Variants in LRMDA observed in about 807,000 individuals in gnomAD.
LRMDA encodes the protein leucine-rich melanocyte differentiation-associated protein.
LRMDA carries 18 observed loss-of-function variants against 29.8 expected under a neutral mutation model. The observed-to-expected ratio is 0.60, with a 90% confidence interval of 0.42 to 0.90. The LOEUF (loss-of-function observed/expected upper bound fraction) is 0.90. Among genes scored for constraint, LRMDA ranks in the 40% least tolerant of loss-of-function variants. The pLI, the probability that LRMDA is intolerant of heterozygous loss-of-function variation, is 0.00. For missense variants in LRMDA, 273 were observed against 273.9 expected (o/e 1.00, Z 0.02); for synonymous variants, 125 against 109.4 (o/e 1.14, Z -0.89).
intron 5 of LRMDA, among the ~76,000 whole-genome samples, chr10:76,118,640 G>A (rs1849707009): frequency 6.6e-6 from 1 of 152,094 alleles, no homozygotes; most frequent in Admixed American, 6.5e-5. Flanking sequence ...TTATCTTGGA[G>A]GAGAAGACCA....
At chr10:75,691,213 T>C (rs1023424634) in intron 2 of LRMDA, among the ~76,000 whole-genome samples, 3 of 143,738 alleles carry the variant, frequency 2.1e-5, no homozygotes, top group African/African-American at 7.8e-5. Flanking sequence ...CACACACATA[T>C]ATATATACAC....
chr10:75,718,306 T>C (rs1475331833), intron 2 of LRMDA, among the ~76,000 whole-genome samples: 1 of 152,224 alleles, frequency 6.6e-6, no homozygotes, highest in African/African-American at 2.4e-5. Flanking sequence ...CTATTTTGTC[T>C]GGAACCAATG....
At chr10:75,692,564 C>CATATATACACATATACATAT (rs1842182792) in intron 2 of LRMDA, among the ~76,000 whole-genome samples, 1 of 140,180 alleles carries the variant, frequency 7.1e-6, no homozygotes, top group Admixed American at 7.2e-5. Context: ...CATATGTATA[C>CATATATACACATATACATAT]GTGTGTGTGT....
At chr10:76,388,298 TG>T (rs1841684287) in intron 6 of LRMDA, among the ~76,000 whole-genome samples, 1 of 152,200 alleles carries the variant, frequency 6.6e-6, no homozygotes, top group Non-Finnish European at 1.5e-5. Flanking sequence ...ATTCAGCTCA[TG>T]GTTTCTGTGG....
At chr10:75,582,775 G>A (rs564086647) in intron 2 of LRMDA, among the ~76,000 whole-genome samples, 1 of 152,244 alleles carries the variant, frequency 6.6e-6, no homozygotes, top group South Asian at 2.1e-4. Flanking sequence ...TTTATGCTCT[G>A]CTTTCCCTTT....
chr10:76,353,845 AG>A (rs1298586650), intron 6 of LRMDA, among the ~76,000 whole-genome samples: 1 of 152,114 alleles, frequency 6.6e-6, no homozygotes, highest in Non-Finnish European at 1.5e-5. Context: ...CTTTGTAATA[AG>A]GGGGGACATG....
intron 5 of LRMDA, among the ~76,000 whole-genome samples, chr10:76,072,575 C>G (rs7083638): frequency 0.37 from 56,888 of 152,110 alleles, 11,906 homozygotes; most frequent in Non-Finnish European, 0.46. Context: ...AGTTTAACCA[C>G]TTAGCCAGAG....
intron 5 of LRMDA, among the ~76,000 whole-genome samples, chr10:76,084,882 C>T (rs1240285408): frequency 2.0e-5 from 3 of 152,198 alleles, no homozygotes; most frequent in Non-Finnish European, 4.4e-5. Flanking sequence ...CAATTTACTT[C>T]TCTTAGGTCC....
intron 2 of LRMDA, among the ~76,000 whole-genome samples, chr10:75,985,048 G>A (rs1010604514): frequency 3.3e-5 from 5 of 152,180 alleles, no homozygotes; most frequent in African/African-American, 1.2e-4. Context: ...CAGATGAGGA[G>A]AGCCTAGATA....
intron 2 of LRMDA, among the ~76,000 whole-genome samples, chr10:75,556,115 GA>G (rs1840210350): frequency 6.6e-6 from 1 of 151,908 alleles, no homozygotes; most frequent in African/African-American, 2.4e-5. Flanking sequence ...AATAATGGCT[GA>G]AAATATCCCA....
intron 2 of LRMDA, among the ~76,000 whole-genome samples, chr10:75,512,249 C>T (rs542611676): frequency 3.3e-5 from 5 of 152,292 alleles, no homozygotes; most frequent in Middle Eastern, 3.4e-3. Context: ...CTTGCTGCTT[C>T]CCTCCTGGTA....
chr10:75,579,689 C>T (rs573895733), intron 2 of LRMDA, among the ~76,000 whole-genome samples: 38 of 152,200 alleles, frequency 2.5e-4, no homozygotes, highest in African/African-American at 6.7e-4. Flanking sequence ...ACTGGGAAAC[C>T]GAATCCAGTG....
intron 5 of LRMDA, among the ~76,000 whole-genome samples, chr10:76,190,544 T>C (rs1851226138): frequency 6.6e-6 from 1 of 152,256 alleles, no homozygotes; most frequent in East Asian, 1.9e-4. Flanking sequence ...TTCTGTCAAG[T>C]TTATTATCCA....
chr10:76,260,576 A>G (rs942937644), intron 5 of LRMDA, among the ~76,000 whole-genome samples: 4 of 151,956 alleles, frequency 2.6e-5, no homozygotes, highest in African/African-American at 9.7e-5. Flanking sequence ...GAGTTCCCTT[A>G]TATGTGACTT....
Position 75,692,237 on chromosome 10 carries a change from T to C in LRMDA, c.131+253743T>C, listed in dbSNP as rs1379428868. ...AAAAAAAAATATATATATATATATA[T>C]ATATATATATACATATATATATTTT... is the stretch of plus-strand genomic sequence containing the variant. On this transcript the variant is annotated intron_variant, in intron 2 of 6. Transcript: ENST00000611255. Among the ~76,000 whole-genome samples, 43 of 138,850 alleles carry C rather than the reference T, an allele frequency of 3.1e-4. 1 individual carries two copies. In the South Asian group the frequency reaches 7.7e-3, roughly 25 times the overall value. 91.1% of individuals were successfully genotyped at this position (138,850 alleles called of 152,430 possible).
chr10:76,472,805 C>T (rs1178388077), intron 6 of LRMDA, among the ~76,000 whole-genome samples: 1 of 151,316 alleles, frequency 6.6e-6, no homozygotes, highest in Non-Finnish European at 1.5e-5. Flanking sequence ...TTTCTAAAGA[C>T]AGACTCAAGA....
At chr10:75,650,657 T>A (rs1841587315) in intron 2 of LRMDA, among the ~76,000 whole-genome samples, 1 of 152,156 alleles carries the variant, frequency 6.6e-6, no homozygotes, top group Non-Finnish European at 1.5e-5. Context: ...GTATTGGCGA[T>A]TTTAAAGTCA....
At chr10:76,057,491 G>A (rs1848636384) in intron 4 of LRMDA, among the ~76,000 whole-genome samples, 1 of 152,182 alleles carries the variant, frequency 6.6e-6, no homozygotes, top group African/African-American at 2.4e-5. Context: ...TACAGTTTGG[G>A]TAAGGACATT....
chr10:75,606,684 T>C (rs374105148), intron 2 of LRMDA, among the ~76,000 whole-genome samples: 14 of 152,244 alleles, frequency 9.2e-5, no homozygotes, highest in African/African-American at 3.4e-4. Flanking sequence ...CTGTTTACCT[T>C]TGGCTTGAGT....
Sources: allele counts gnomAD v4.1 joint callset (sites outside exome capture counted in the v4.1 genomes callset), GRCh38; gene constraint gnomAD v4.1.1; transcripts MANE v1.5; gene names NCBI Gene and HGNC (gene_info 2026-07-23, HGNC 2026-07-21).